The following TBCA variants were observed in gnomAD, a reference collection of about 807,000 sequenced individuals.
TBCA encodes the protein tubulin-specific chaperone A.
TBCA carries 6 observed loss-of-function variants against 15.8 expected under a neutral mutation model. The observed-to-expected ratio is 0.38, with a 90% CI of 0.21 to 0.75. The LOEUF (loss-of-function observed/expected upper bound fraction) is 0.75. Among genes scored for constraint, TBCA ranks in the 30% least tolerant of loss-of-function variants. TBCA has a pLI of 0.46. For synonymous variants in TBCA, 32 were observed against 42.3 expected (o/e 0.76, Z 0.94); for missense variants, 90 against 131.2 (o/e 0.69, Z 1.53).
intron 2 of TBCA, among the ~76,000 whole-genome samples, chr5:77,693,799 C>CAAAAAA (rs70991303): frequency 1.5e-4 from 12 of 77,918 alleles, no homozygotes; most frequent in Admixed American, 6.9e-4. Flanking sequence ...AACTCCATCT[C>CAAAAAA]AAAAAAAAAA....
intron 3 of TBCA, chr5:77,692,707 A>AT (rs1745781789): frequency 8.1e-6 from 8 of 989,320 alleles, no homozygotes; most frequent in Non-Finnish European, 9.6e-6. Context: ...TAGTATTTTA[A>AT]CAGTTATTAT....
chr5:77,698,903 T>C (rs1462034598), intron 2 of TBCA, among the ~76,000 whole-genome samples: 1 of 151,878 alleles, frequency 6.6e-6, no homozygotes, highest in Admixed American at 6.6e-5. Context: ...CTAGAACTAA[T>C]AAGTTCAGCA....
chr5:77,741,176 G>A (rs1227673485), intron 1 of TBCA, among the ~76,000 whole-genome samples: 2 of 152,234 alleles, frequency 1.3e-5, no homozygotes, highest in African/African-American at 4.8e-5. Context: ...GAAGTGACTA[G>A]GAGGTAGGGT....
chr5:77,762,487 T>C (rs1266034747), intron 1 of TBCA, among the ~76,000 whole-genome samples: 1 of 152,206 alleles, frequency 6.6e-6, no homozygotes, highest in Non-Finnish European at 1.5e-5. Context: ...TTTTTAAATC[T>C]ATGGCATTGG....
intron 1 of TBCA, among the ~76,000 whole-genome samples, chr5:77,720,463 C>T (rs1190043378): frequency 6.6e-6 from 1 of 152,118 alleles, no homozygotes; most frequent in African/African-American, 2.4e-5. Context: ...CCTGTAATCC[C>T]AGCACTTTGG....
At chr5:77,705,495 T>C in intron 2 of TBCA, 1 of 398,064 alleles carries the variant, frequency 2.5e-6, no homozygotes, top group Admixed American at 4.4e-5. Context: ...AAAAGTTACA[T>C]TCCATATGTA....
At chr5:77,714,956 G>T (rs1746365561) in intron 1 of TBCA, among the ~76,000 whole-genome samples, 1 of 152,198 alleles carries the variant, frequency 6.6e-6, no homozygotes, top group Admixed American at 6.5e-5. Context: ...CTGCCCTATG[G>T]CACTTTTTAG....
At chr5:77,752,214 A>G (rs1330984969) in intron 1 of TBCA, among the ~76,000 whole-genome samples, 1 of 152,196 alleles carries the variant, frequency 6.6e-6, no homozygotes, top group East Asian at 1.9e-4. Flanking sequence ...AAATGGAACA[A>G]TTTGTTTACA....
chr5:77,728,359 T>G (rs535428746), intron 1 of TBCA, among the ~76,000 whole-genome samples: 12 of 152,180 alleles, frequency 7.9e-5, no homozygotes, highest in Admixed American at 2.0e-4. Flanking sequence ...TTCAGAACAG[T>G]TATTCTTTCT....
chr5:77,742,242 T>C (rs1408570196), intron 1 of TBCA, among the ~76,000 whole-genome samples: 1 of 152,186 alleles, frequency 6.6e-6, no homozygotes, highest in Non-Finnish European at 1.5e-5. Context: ...AGCATTTCCT[T>C]TGAGTGTCAC....
chr5:77,739,318 G>A (rs748221772), intron 1 of TBCA, among the ~76,000 whole-genome samples: 4 of 151,946 alleles, frequency 2.6e-5, no homozygotes, highest in South Asian at 2.1e-4. Flanking sequence ...AAAATTAGCC[G>A]GGTGTGGTGG....
At position 77,758,704 on chromosome 5, in the gene TBCA, G is replaced by C. The variant is rs142887590; in HGVS notation, c.53+17501C>G. On this transcript the variant is annotated intron_variant, in intron 1 of 3. Coordinates refer to ENST00000380377, the MANE Select transcript of TBCA (RefSeq NM_004607.3). ...CATGTGTAGTGCTCTCCTTACACTT[G>C]GGAGGTGAGCATGCACAGTGTGTTT... Among the ~76,000 whole-genome samples, 597 of 151,180 alleles carry C rather than the reference G, an allele frequency of 3.9e-3. 6 individuals are homozygous for C. The highest frequency in any genetic ancestry group is 0.013 in the African/African-American group (540 of 40,774).
chr5:77,773,633 C>T (rs1561287985), intron 1 of TBCA, among the ~76,000 whole-genome samples: 1 of 152,226 alleles, frequency 6.6e-6, no homozygotes, highest in South Asian at 2.1e-4. Flanking sequence ...TTAACTCCTA[C>T]TCACATGGTC....
intron 1 of TBCA, among the ~76,000 whole-genome samples, chr5:77,759,130 A>G (rs1038010947): frequency 1.3e-5 from 2 of 152,198 alleles, no homozygotes; most frequent in Admixed American, 6.5e-5. Context: ...TAACAATAAT[A>G]TATCAGTCAA....
At chr5:77,772,158 T>C (rs2112522168) in intron 1 of TBCA, among the ~76,000 whole-genome samples, 1 of 152,104 alleles carries the variant, frequency 6.6e-6, no homozygotes, top group Non-Finnish European at 1.5e-5. Context: ...TTAAGGTATC[T>C]TTGAAACTAA....
In TBCA at chr5:77,706,825, A is replaced by G. The variant is rs541873352; in HGVS notation, c.159+1417T>C. ...GACTCCATCTTAAAAAAAAAAAAAA[A>G]AAAGAAAGAAAGAAAAGAAAAAAAG... On this transcript the variant is annotated intron_variant, in intron 2 of 3. Coordinates refer to ENST00000380377, the MANE Select transcript of TBCA (RefSeq NM_004607.3). Among the ~76,000 whole-genome samples, 22 of 151,102 alleles carry G rather than the reference A, an allele frequency of 1.5e-4. No individual in the cohort carries two copies. The South Asian group carries it at 3.4e-3, about 23-fold the overall frequency.
chr5:77,706,381 G>A (rs1746150002), intron 2 of TBCA, among the ~76,000 whole-genome samples: 1 of 152,124 alleles, frequency 6.6e-6, no homozygotes, highest in Non-Finnish European at 1.5e-5. Flanking sequence ...GTTGTGGTGG[G>A]GAAGGAATGG....
chr5:77,692,519 T>C, intron 3 of TBCA: 1 of 949,166 alleles, frequency 1.1e-6, no homozygotes, highest in East Asian at 1.2e-4. Context: ...AACTCCTGAC[T>C]CGTGATCCAC....
intron 1 of TBCA, among the ~76,000 whole-genome samples, chr5:77,734,306 AGT>A (rs1439148341): frequency 3.3e-5 from 5 of 152,228 alleles, no homozygotes; most frequent in African/African-American, 1.2e-4. Flanking sequence ...TGCCATAGAC[AGT>A]TATTCCTCTG....
Sources: allele counts gnomAD v4.1 joint callset (sites outside exome capture counted in the v4.1 genomes callset), GRCh38; gene constraint gnomAD v4.1.1; transcripts MANE v1.5; gene names NCBI Gene and HGNC (gene_info 2026-07-23, HGNC 2026-07-21).